GPR143: variants seen among roughly 807,000 people sequenced by gnomAD.
GPR143 encodes the protein G protein-coupled receptor 143, also known as G-protein coupled receptor 143.
In GPR143, 8 loss-of-function variants were observed where a neutral mutation model predicts 27.6. That is an observed-to-expected ratio of 0.29 (90% CI 0.17 to 0.52). The LOEUF is 0.52. GPR143 is among the 20% of genes least tolerant of loss of function. The probability of loss-of-function intolerance (pLI) is 0.96; values close to 1 mark genes in which losing one functional copy is unlikely to be tolerated. For missense variants in GPR143, 303 were observed against 343.1 expected, an observed-to-expected ratio of 0.88 and a Z score of 0.92; for synonymous variants, 156 against 153.2, an observed-to-expected ratio of 1.02 and a Z score of -0.13.
upstream of GPR143, among the ~76,000 whole-genome samples, chrX:9,766,736 A>G (rs2083535069): frequency 9.1e-6 from 1 of 110,334 alleles, no homozygotes; most frequent in Non-Finnish European, 1.9e-5. Context: ...AAAAAACGAA[A>G]CAAAACAAAA....
At chrX:9,766,964 T>C (rs1264234417), upstream of GPR143, among the ~76,000 whole-genome samples, 1 of 104,636 alleles carries the variant, frequency 9.6e-6, no homozygotes, top group African/African-American at 3.5e-5. Flanking sequence ...AGTTTAAAAT[T>C]TAAAAACATT....
chrX:9,726,347 C>G (rs937024457), intron 8 of GPR143, among the ~76,000 whole-genome samples: 2 of 111,444 alleles, frequency 1.8e-5, no homozygotes, highest in Non-Finnish European at 3.8e-5. Context: ...ACTATGCCAT[C>G]TCCCAATTGT....
At chrX:9,742,178 T>C (rs1338105030) in intron 6 of GPR143, among the ~76,000 whole-genome samples, 2 of 112,221 alleles carry the variant, frequency 1.8e-5, no homozygotes, top group East Asian at 5.6e-4. Flanking sequence ...CAGTGAAATA[T>C]GAAATGTTGA....
chrX:9,757,695 T>C (rs1242642591), intron 3 of GPR143, among the ~76,000 whole-genome samples: 2 of 111,570 alleles, frequency 1.8e-5, no homozygotes, highest in Admixed American at 9.6e-5. Context: ...ATTCTGTGAA[T>C]ACACGAAAAA....
At chrX:9,756,528 C>T (rs1360268945) in intron 3 of GPR143, among the ~76,000 whole-genome samples, 2 of 111,545 alleles carry the variant, frequency 1.8e-5, no homozygotes, top group Non-Finnish European at 3.8e-5. Context: ...ATAAAGAACT[C>T]CTACAACTCA....
At chrX:9,739,798 ACACTCCCCCCAGGAT>A in intron 7 of GPR143, 79 bp from the exon 8 acceptor site, 1 of 674,268 alleles carries the variant, frequency 1.5e-6, no homozygotes, top group Non-Finnish European at 2.3e-6. Flanking sequence ...ACAGAGTGAC[ACACTCCCCCCAGGAT>A]GCCCACAGGG....
chrX:9,746,061 T>C lies in GPR143; in HGVS notation c.641A>G (p.Gln214Arg). 8.4e-7 allele frequency: 1 copy of C among 1,183,739 alleles called. No homozygotes were observed. The highest frequency in any genetic ancestry group is 1.1e-6 in the Non-Finnish European group (1 of 870,075). ...GTATTTACCTGCAGTCACTGTCTTT[T>C]GGAACAGGATGGGGTTCGCCACGAG... ...LVLVANPILF[Q>R]KTVTAVASLL... Residue 214 changes from glutamine to arginine, a missense_variant, in exon 5 of 9, where the codon CAA (glutamine) becomes CGA (arginine). Coordinates refer to ENST00000467482, the MANE Select transcript of GPR143 (RefSeq NM_000273.3).
upstream of GPR143, among the ~76,000 whole-genome samples, chrX:9,768,204 C>G (rs770705543): frequency 9.0e-6 from 1 of 111,545 alleles, no homozygotes; most frequent in South Asian, 3.8e-4. Context: ...AATTTAAAAC[C>G]CTGTCATCAA....
chrX:9,730,081 C>A (rs1360343037), intron 8 of GPR143, among the ~76,000 whole-genome samples: 1 of 112,683 alleles, frequency 8.9e-6, no homozygotes, highest in Non-Finnish European at 1.9e-5. Context: ...AGAGGCTGTA[C>A]CATCTAGCCC....
At chrX:9,760,609 G>A (rs976522889) in intron 2 of GPR143, 108 bp downstream of exon 2, 2 of 511,523 alleles carry the variant, frequency 3.9e-6, no homozygotes, top group African/African-American at 4.7e-5. Flanking sequence ...AGCAGGATGG[G>A]GCAGGACGTG....
At chrX:9,775,729 C>T (rs985214189) in intron 1 of GPR143, among the ~76,000 whole-genome samples, 1 of 112,080 alleles carries the variant, frequency 8.9e-6, no homozygotes. Context: ...CCTCTTGAAG[C>T]TGCACTTTTC....
intron 1 of GPR143, among the ~76,000 whole-genome samples, chrX:9,777,267 C>T (rs368407424): frequency 6.8e-4 from 76 of 112,236 alleles, no homozygotes; most frequent in African/African-American, 2.3e-3. Flanking sequence ...CTCAGCCAGG[C>T]GTGGTGGCAC....
chrX:9,738,480 T>G (rs2083387832), intron 8 of GPR143: 34 of 723,175 alleles, frequency 4.7e-5, no homozygotes, highest in Non-Finnish European at 5.2e-5. Flanking sequence ...AACTATCTCT[T>G]TCTCTTCATG....
chrX:9,730,052 G>T (rs901513496), intron 8 of GPR143, among the ~76,000 whole-genome samples: 2 of 112,642 alleles, frequency 1.8e-5, no homozygotes, highest in Non-Finnish European at 3.7e-5. Context: ...ATGCTTTACA[G>T]GTCTGTAGCT....
At chrX:9,749,848 A>G (rs1313755287) in intron 3 of GPR143, among the ~76,000 whole-genome samples, 1 of 112,053 alleles carries the variant, frequency 8.9e-6, no homozygotes, top group Non-Finnish European at 1.9e-5. Flanking sequence ...GCTCACTGCA[A>G]CTGTCTCCTG....
At position 9,725,519 on chromosome X, in the gene GPR143, C is replaced by T. The variant is rs759911546; in HGVS notation, c.*227G>A. On this transcript the variant is annotated 3_prime_UTR_variant, in exon 9 of 9. Transcript: ENST00000467482. ...CTAGTGGCAACTAAGGCTAGAGCAG[C>T]TGTAGAGTGGTCTGGAGGGGGCTCT... 5.1e-6 allele frequency: 2 copies of T among 388,618 alleles called. No homozygotes were observed. Among genetic ancestry groups the T allele is most frequent in the Non-Finnish European group, 9.0e-6 (2 of 222,595 alleles). The allele number at this position is 388,618 out of a possible 1,213,427, so 32.0% of individuals were successfully genotyped here.
chrX:9,750,708 C>T (rs897963020), intron 3 of GPR143, among the ~76,000 whole-genome samples: 16 of 111,351 alleles, frequency 1.4e-4, no homozygotes, highest in African/African-American at 4.9e-4. Flanking sequence ...GGATTACAGG[C>T]GCCCACCACC....
intron 3 of GPR143, among the ~76,000 whole-genome samples, 170 bp downstream of exon 3, chrX:9,759,162 C>T (rs950172605): frequency 9.0e-6 from 1 of 111,545 alleles, no homozygotes. Context: ...GTGCCTTTGG[C>T]CTCTTATAAA....
At chrX:9,765,194 T>C (rs1027339737) in intron 1 of GPR143, among the ~76,000 whole-genome samples, 1 of 110,527 alleles carries the variant, frequency 9.0e-6, no homozygotes, top group South Asian at 3.8e-4. Context: ...AGTTCCAACC[T>C]GCGGGCCATG....
Sources: gnomAD v4.1 joint callset for allele counts (sites outside exome capture counted in the v4.1 genomes callset) on GRCh38, gnomAD v4.1.1 for gene constraint, MANE v1.5 for transcripts, NCBI Gene and HGNC (gene_info 2026-07-23, HGNC 2026-07-21) for gene names.